The following WDPCP variants were observed in gnomAD, a reference collection of about 807,000 sequenced individuals.
The protein encoded by WDPCP is WD repeat-containing and planar cell polarity effector protein fritz homolog.
Under a neutral mutation model 93.1 loss-of-function variants are expected in WDPCP, and 71 were observed. That is an observed-to-expected ratio of 0.76 (90% CI 0.63 to 0.93). The LOEUF is 0.93. WDPCP is among the 40% of genes least tolerant of loss of function. The pLI, the probability that WDPCP is intolerant of heterozygous loss-of-function variation, is 0.00. For missense variants in WDPCP, 844 were observed against 887.4 expected, an observed-to-expected ratio of 0.95 and a Z score of 0.62; for synonymous variants, 315 against 315.0, an observed-to-expected ratio of 1.00 and a Z score of 0.00.
chr2:63,659,035 A>C (rs1451761421), intron 2 of WDPCP, among the ~76,000 whole-genome samples: 2 of 152,258 alleles, frequency 1.3e-5, no homozygotes, highest in Non-Finnish European at 2.9e-5. Flanking sequence ...CACCTTTGGA[A>C]ACCAGAACTC....
At chr2:63,246,618 A>G (rs1680297345) in intron 14 of WDPCP, among the ~76,000 whole-genome samples, 3 of 152,192 alleles carry the variant, frequency 2.0e-5, no homozygotes. Context: ...GCTGTTGCCA[A>G]CACTTTGAAC....
At chr2:63,731,697 T>A (rs1483825425) in intron 2 of WDPCP, among the ~76,000 whole-genome samples, 6 of 152,040 alleles carry the variant, frequency 3.9e-5, no homozygotes, top group African/African-American at 1.4e-4. Flanking sequence ...CTGTGCAGAG[T>A]GTTGGATACT....
intron 2 of WDPCP, among the ~76,000 whole-genome samples, chr2:63,699,193 T>C (rs1365024333): frequency 1.3e-5 from 2 of 152,276 alleles, no homozygotes; most frequent in South Asian, 2.1e-4. Context: ...CTTTCACCCA[T>C]CCATGGTTGT....
intron 14 of WDPCP, among the ~76,000 whole-genome samples, chr2:63,212,794 CAA>C (rs544051993): frequency 3.3e-5 from 4 of 122,894 alleles, no homozygotes; most frequent in African/African-American, 3.2e-5. Flanking sequence ...AAATGGAAAA[CAA>C]AAAAAAAAAA....
chr2:63,351,532 G>A (rs1163055672), intron 12 of WDPCP, among the ~76,000 whole-genome samples: 1 of 152,014 alleles, frequency 6.6e-6, no homozygotes, highest in Non-Finnish European at 1.5e-5. Context: ...GTGGCACTTG[G>A]TTTTTGTTCC....
chr2:63,179,682 C>G (rs1218435689), intron 14 of WDPCP, among the ~76,000 whole-genome samples: 2 of 151,990 alleles, frequency 1.3e-5, no homozygotes, highest in Non-Finnish European at 2.9e-5. Context: ...CCAAGAATGG[C>G]CTAACACAGG....
intron 2 of WDPCP, among the ~76,000 whole-genome samples, chr2:63,708,987 G>A (rs987546741): frequency 2.0e-5 from 3 of 149,406 alleles, no homozygotes; most frequent in East Asian, 2.0e-4. Flanking sequence ...TTGGGAGGCC[G>A]AGGGGGGTGG....
intron 1 of WDPCP, among the ~76,000 whole-genome samples, chr2:63,522,449 C>CAGAA (rs1370400754): frequency 1.7e-4 from 20 of 114,310 alleles, no homozygotes; most frequent in African/African-American, 6.3e-4. Context: ...GACAGACAGA[C>CAGAA]AGACAGACAC....
At chr2:63,657,428 G>T (rs951567706) in intron 2 of WDPCP, among the ~76,000 whole-genome samples, 57 of 151,942 alleles carry the variant, frequency 3.8e-4, no homozygotes, top group African/African-American at 1.3e-3. Flanking sequence ...GGATGGTCTC[G>T]ATCTTCTGAC....
intron 15 of WDPCP, among the ~76,000 whole-genome samples, chr2:63,156,882 T>C (rs952059899): frequency 6.6e-6 from 1 of 152,234 alleles, no homozygotes; most frequent in Admixed American, 6.5e-5. Flanking sequence ...CAGTGTTCCA[T>C]AAGAGTGGTA....
At chr2:63,258,904 C>T (rs1681366604) in intron 14 of WDPCP, among the ~76,000 whole-genome samples, 1 of 152,112 alleles carries the variant, frequency 6.6e-6, no homozygotes, top group South Asian at 2.1e-4. Flanking sequence ...CCCAAAATCT[C>T]ATATGAAATA....
chr2:63,166,461 C>T (rs1436464214), intron 15 of WDPCP, among the ~76,000 whole-genome samples: 1 of 152,006 alleles, frequency 6.6e-6, no homozygotes, highest in Non-Finnish European at 1.5e-5. Flanking sequence ...GGCTGGAGTG[C>T]AGGGGCGCGA....
At chr2:63,697,004 AAAAAAGCAGAACAC>A in intron 2 of WDPCP, among the ~76,000 whole-genome samples, 1 of 152,354 alleles carries the variant, frequency 6.6e-6, no homozygotes, top group South Asian at 2.1e-4. Context: ...TTATAATACC[AAAAAAGCAGAACAC>A]TCTATTCAAG....
intron 17 of WDPCP, among the ~76,000 whole-genome samples, chr2:63,141,777 T>G (rs959900218): frequency 2.0e-5 from 3 of 152,170 alleles, no homozygotes; most frequent in African/African-American, 7.2e-5. Flanking sequence ...TTTGTTGTTG[T>G]TGGTAATTTT....
intron 2 of WDPCP, among the ~76,000 whole-genome samples, chr2:63,713,578 A>G (rs946150430): frequency 6.6e-6 from 1 of 152,266 alleles, no homozygotes; most frequent in Non-Finnish European, 1.5e-5. Context: ...TACCCATAAC[A>G]GAGTAGCAGT....
intron 17 of WDPCP, among the ~76,000 whole-genome samples, chr2:63,143,416 A>C (rs1181713677): frequency 6.6e-6 from 1 of 152,120 alleles, no homozygotes; most frequent in Non-Finnish European, 1.5e-5. Context: ...GGCCATTTAC[A>C]TTCAATGTTA....
intron 3 of WDPCP, among the ~76,000 whole-genome samples, chr2:63,640,558 T>C (rs998096470): frequency 1.3e-5 from 2 of 152,190 alleles, no homozygotes; most frequent in Admixed American, 6.5e-5. Context: ...TTTATAATGG[T>C]CCAAAACTTG....
intron 2 of WDPCP, among the ~76,000 whole-genome samples, chr2:63,680,891 A>T (rs262538): frequency 0.19 from 28,311 of 151,978 alleles, 3,235 homozygotes; most frequent in Non-Finnish European, 0.27. Flanking sequence ...GTTGAGAGGC[A>T]CCCATTCCAG....
intron 2 of WDPCP, among the ~76,000 whole-genome samples, chr2:63,658,200 T>C (rs535845509): frequency 6.6e-6 from 1 of 152,340 alleles, no homozygotes; most frequent in South Asian, 2.1e-4. Context: ...TAAGAAAAGT[T>C]CCAATGTGTG....
Sources: allele counts gnomAD v4.1 joint callset (sites outside exome capture counted in the v4.1 genomes callset), GRCh38; gene constraint gnomAD v4.1.1; transcripts MANE v1.5; gene names NCBI Gene and HGNC (gene_info 2026-07-23, HGNC 2026-07-21).